Variants in NELL1 observed in about 807,000 individuals in gnomAD.
The protein encoded by NELL1 is neural EGFL like 1.
NELL1 carries 76 observed loss-of-function variants against 107.4 expected under a neutral mutation model. The ratio of observed to expected loss-of-function variants is 0.71; its 90% CI spans 0.59 to 0.86. The LOEUF is 0.86. Among genes scored for constraint, NELL1 ranks in the 40% least tolerant of loss-of-function variants. The pLI is 0.00. For missense variants in NELL1, 1,024 were observed against 1,005.5 expected (o/e 1.02, Z -0.25); for synonymous variants, 353 against 341.2 (o/e 1.03, Z -0.38).
chr11:20,708,972 A>G (rs879625760), intron 2 of NELL1, among the ~76,000 whole-genome samples: 4 of 152,106 alleles, frequency 2.6e-5, no homozygotes, highest in Non-Finnish European at 5.9e-5. Context: ...GATTCCTTGC[A>G]TGCACAGTTC....
intron 4 of NELL1, among the ~76,000 whole-genome samples, chr11:20,885,203 C>T (rs774412912): frequency 3.9e-5 from 6 of 152,192 alleles, no homozygotes; most frequent in Non-Finnish European, 8.8e-5. Flanking sequence ...TCAGAGTGGA[C>T]ACTCAAAAAT....
At chr11:21,475,557 C>G (rs1444100305) in intron 15 of NELL1, among the ~76,000 whole-genome samples, 1 of 152,176 alleles carries the variant, frequency 6.6e-6, no homozygotes, top group Non-Finnish European at 1.5e-5. Flanking sequence ...AGTTTGATTC[C>G]TCCCTGCTTC....
intron 15 of NELL1, among the ~76,000 whole-genome samples, chr11:21,473,383 T>A (rs186023802): frequency 6.6e-6 from 1 of 152,156 alleles, no homozygotes; most frequent in Non-Finnish European, 1.5e-5. Flanking sequence ...ATTGAATGGA[T>A]CTTAACCACC....
intron 15 of NELL1, among the ~76,000 whole-genome samples, chr11:21,471,566 C>T (rs962956161): frequency 6.6e-6 from 1 of 151,836 alleles, no homozygotes; most frequent in Non-Finnish European, 1.5e-5. Flanking sequence ...TAAAAGCTAA[C>T]ATTTATTGTT....
intron 12 of NELL1, among the ~76,000 whole-genome samples, chr11:20,990,407 C>A (rs1374070870): frequency 6.6e-6 from 1 of 152,222 alleles, no homozygotes. Flanking sequence ...TTACCTTTCA[C>A]AGTGCCCACT....
At chr11:21,131,217 T>C (rs1272567958) in intron 13 of NELL1, among the ~76,000 whole-genome samples, 1 of 152,194 alleles carries the variant, frequency 6.6e-6, no homozygotes, top group Non-Finnish European at 1.5e-5. Context: ...AATAATGATT[T>C]AATTTATATT....
rs1439310881 is a variant in NELL1 at position 21,042,793 on chromosome 11, CTG to C, written c.1301-70790_1301-70789del. 3.3e-5 allele frequency among the ~76,000 whole-genome samples: 5 copies of C among 152,234 alleles called. No individual in the cohort carries two copies. In the South Asian group the frequency reaches 8.3e-4, roughly 25 times the overall value. On this transcript the variant is annotated intron_variant, in intron 12 of 19. Coordinates refer to ENST00000357134, the MANE Select transcript of NELL1 (RefSeq NM_006157.5). ...AGCTGTTTCCAACATAAATTCCAAG[CTG>C]TGTGTTCCAGCTCTGTTTGAAACTG... is the stretch of plus-strand genomic sequence containing the variant.
rs1850301511 is a variant in NELL1, at chr11:20,918,274, A to G, written c.676+20A>G. The G allele has an allele frequency of 7.5e-7, 1 of 1,335,068 alleles. No homozygotes were observed. The highest frequency in any genetic ancestry group is 1.1e-6 in the Non-Finnish European group (1 of 928,034). 82.7% of individuals were successfully genotyped at this position (1,335,068 alleles called of 1,614,324 possible). On this transcript the variant is annotated intron_variant, in intron 6 of 19. Transcript: ENST00000357134. ...ATCACAGTAAGTAGCAACTTAAAGC[A>G]TTGTGATATATTATATAACTTGTTG... is the stretch of plus-strand genomic sequence containing the variant.
At chr11:21,480,640 A>G (rs774320779) in intron 15 of NELL1, among the ~76,000 whole-genome samples, 3 of 152,138 alleles carry the variant, frequency 2.0e-5, no homozygotes, top group East Asian at 3.9e-4. Flanking sequence ...TCTTCAATGA[A>G]TGTTTGATTT....
At chr11:21,275,640 A>T (rs570137981) in intron 14 of NELL1, among the ~76,000 whole-genome samples, 2 of 152,360 alleles carry the variant, frequency 1.3e-5, no homozygotes, top group East Asian at 3.9e-4. Flanking sequence ...ACATCAATGC[A>T]AAAATCCTCA....
At chr11:21,555,126 T>C (rs1856675624) in intron 16 of NELL1, among the ~76,000 whole-genome samples, 2 of 151,864 alleles carry the variant, frequency 1.3e-5, no homozygotes, top group Admixed American at 1.3e-4. Context: ...GTATCTGGCA[T>C]AGAGTAGATG....
intron 2 of NELL1, among the ~76,000 whole-genome samples, chr11:20,719,174 G>C (rs1031899159): frequency 1.3e-5 from 2 of 152,118 alleles, no homozygotes; most frequent in African/African-American, 4.8e-5. Flanking sequence ...CAAATATTTG[G>C]TTCAATCTCT....
At chr11:20,775,806 C>T (rs1250424857) in intron 2 of NELL1, among the ~76,000 whole-genome samples, 4 of 152,140 alleles carry the variant, frequency 2.6e-5, no homozygotes, top group Non-Finnish European at 5.9e-5. Context: ...CTCTTTTGAT[C>T]GAATGGCACA....
At chr11:21,367,358 T>C (rs1410117109) in intron 14 of NELL1, among the ~76,000 whole-genome samples, 1 of 151,742 alleles carries the variant, frequency 6.6e-6, no homozygotes, top group Non-Finnish European at 1.5e-5. Context: ...TACCAACATA[T>C]GAAGTCACAT....
At chr11:21,421,931 A>G (rs1280807928) in intron 15 of NELL1, among the ~76,000 whole-genome samples, 1 of 152,222 alleles carries the variant, frequency 6.6e-6, no homozygotes, top group African/African-American at 2.4e-5. Flanking sequence ...GGAATCCTCA[A>G]CAAGATTATC....
intron 7 of NELL1, 111 bp from the exon 8 acceptor site, chr11:20,927,197 T>C: frequency 1.0e-6 from 1 of 970,162 alleles, no homozygotes; most frequent in Non-Finnish European, 1.5e-6. Flanking sequence ...AGTGAACTGC[T>C]CTGAGCATTT....
chr11:20,792,289 TTTATA>T, intron 3 of NELL1, among the ~76,000 whole-genome samples: 1 of 152,180 alleles, frequency 6.6e-6, no homozygotes, highest in Non-Finnish European at 1.5e-5. Flanking sequence ...AATTTCAATA[TTTATA>T]TTAGCGATTT....
intron 15 of NELL1, among the ~76,000 whole-genome samples, chr11:21,384,401 T>C (rs1455869446): frequency 2.0e-5 from 3 of 151,944 alleles, no homozygotes; most frequent in African/African-American, 7.2e-5. Context: ...TTTATCCCCT[T>C]TTTCTGGCCA....
intron 16 of NELL1, among the ~76,000 whole-genome samples, chr11:21,551,583 TG>T (rs1357117595): frequency 2.6e-5 from 4 of 151,270 alleles, no homozygotes; most frequent in Non-Finnish European, 5.9e-5. Context: ...AAAACCGCAA[TG>T]AGATACCATC....
Sources: gnomAD v4.1 joint callset for allele counts (sites outside exome capture counted in the v4.1 genomes callset) on GRCh38, gnomAD v4.1.1 for gene constraint, MANE v1.5 for transcripts, NCBI Gene and HGNC (gene_info 2026-07-23, HGNC 2026-07-21) for gene names.